Variants in OR52K1 observed in about 807,000 individuals in gnomAD.
The protein encoded by OR52K1 is olfactory receptor family 52 subfamily K member 1.
Under a neutral mutation model 8.7 loss-of-function variants are expected in OR52K1, and 10 were observed. The observed-to-expected ratio is 1.15, with a 90% CI of 0.71 to 1.95. The LOEUF (loss-of-function observed/expected upper bound fraction) is 1.95, where lower values mean the gene tolerates loss of function less well. Ranked by LOEUF, OR52K1 falls within the 30% of genes most tolerant of loss-of-function variation. The probability of loss-of-function intolerance (pLI) is 0.00; values close to 1 mark genes in which losing one functional copy is unlikely to be tolerated. For missense variants in OR52K1, 431 were observed against 397.2 expected (o/e 1.08, Z -0.72); for synonymous variants, 203 against 148.5 (o/e 1.37, Z -2.67).
In OR52K1 at chr11:4,490,454, C is replaced by T. The variant is rs1846365174; in HGVS notation, c.*609C>T. 1.3e-5 allele frequency: 2 copies of T among 152,508 alleles called. No individual in the cohort carries two copies. Among genetic ancestry groups the T allele is most frequent in the African/African-American group, 4.8e-5 (2 of 41,432 alleles). The allele number at this position is 152,508 out of a possible 1,614,324, so 9.4% of individuals were successfully genotyped here. On this transcript the variant is annotated 3_prime_UTR_variant, in exon 2 of 2. Coordinates refer to ENST00000641528, the MANE Select transcript of OR52K1 (RefSeq NM_001005171.3). ...GCCAATTCCTTTAGTGAACATTTAT[C>T]AAAAGAGTCCTCCGATGTTCCTTTT...
intron 1 of OR52K1, among the ~76,000 whole-genome samples, chr11:4,483,409 T>C (rs1589808793): frequency 2.0e-5 from 3 of 152,336 alleles, no homozygotes; most frequent in Non-Finnish European, 4.4e-5. Context: ...CATGGACATC[T>C]TAGTTCTGAA....
rs1436011361 is a variant in OR52K1 at position 4,492,609 on chromosome 11, C to G, written c.*2764C>G. The G allele has an allele frequency of 6.6e-6, 1 of 152,178 alleles. No individual in the cohort carries two copies. The highest frequency in any genetic ancestry group is 1.5e-5 in the Non-Finnish European group (1 of 68,036). 9.4% of individuals were successfully genotyped at this position (152,178 alleles called of 1,614,324 possible). Reference sequence around the variant, plus strand: ...ACTGAATATTTAAAGGAAATACAGTCTTCTTACAGCATATCATAAAATTAT... The same window carrying G: ...ACTGAATATTTAAAGGAAATACAGTGTTCTTACAGCATATCATAAAATTAT... On this transcript the variant is annotated 3_prime_UTR_variant, in exon 2 of 2. Coordinates refer to ENST00000641528, the MANE Select transcript of OR52K1 (RefSeq NM_001005171.3).
chr11:4,488,811 C>T lies in OR52K1; in HGVS notation c.-90C>T. ...GGTAATCTTTGCAGGTGGGATAGCA[C>T]AGGTTGAACTCTAATCATATATACT... On this transcript the variant is annotated 5_prime_UTR_variant, in exon 2 of 2. Transcript: ENST00000641528. 1.1e-6 allele frequency: 1 copy of T among 897,588 alleles called. No homozygotes were observed. The highest frequency in any genetic ancestry group is 1.8e-6 in the Non-Finnish European group (1 of 568,194). 55.6% of individuals were successfully genotyped at this position (897,588 alleles called of 1,614,324 possible).
intron 1 of OR52K1, among the ~76,000 whole-genome samples, chr11:4,483,842 C>T (rs1202385241): frequency 2.6e-5 from 4 of 152,028 alleles, no homozygotes; most frequent in Non-Finnish European, 4.4e-5. Flanking sequence ...TTTCTAGGTA[C>T]TGATATGTAC....
At position 4,492,644 on chromosome 11, in the gene OR52K1, C is replaced by G. The variant is rs890147072; in HGVS notation, c.*2799C>G. On this transcript the variant is annotated 3_prime_UTR_variant, in exon 2 of 2. Coordinates refer to ENST00000641528, the MANE Select transcript of OR52K1 (RefSeq NM_001005171.3). Reference sequence around the variant, plus strand: ...CATATCATAAAATTATTTCACTTATCTCTGCTTTTGTCTTTCAAACTCTCA... The same window carrying G: ...CATATCATAAAATTATTTCACTTATGTCTGCTTTTGTCTTTCAAACTCTCA... The G allele has an allele frequency of 6.6e-6, 1 of 152,176 alleles. No individual in the cohort carries two copies. The highest frequency in any genetic ancestry group is 2.4e-5 in the African/African-American group (1 of 41,428). 9.4% of individuals were successfully genotyped at this position (152,176 alleles called of 1,614,324 possible).
At chr11:4,487,348 A>T (rs1349607402) in intron 1 of OR52K1, among the ~76,000 whole-genome samples, 1 of 152,190 alleles carries the variant, frequency 6.6e-6, no homozygotes, top group Non-Finnish European at 1.5e-5. Context: ...ATCACACTTA[A>T]CCTCCCTATA....
intron 1 of OR52K1, among the ~76,000 whole-genome samples, chr11:4,485,592 C>A (rs1392402326): frequency 6.6e-6 from 1 of 152,096 alleles, no homozygotes; most frequent in Non-Finnish European, 1.5e-5. Flanking sequence ...AAAAATATAT[C>A]CCCAATCCTA....
intron 1 of OR52K1, among the ~76,000 whole-genome samples, chr11:4,483,976 T>A (rs896302678): frequency 6.6e-6 from 1 of 152,216 alleles, no homozygotes; most frequent in South Asian, 2.1e-4. Context: ...GGTAACAAAG[T>A]ATTGTAATCG....
intron 1 of OR52K1, among the ~76,000 whole-genome samples, chr11:4,484,566 C>T (rs1482867086): frequency 2.0e-5 from 3 of 152,008 alleles, no homozygotes; most frequent in Admixed American, 6.5e-5. Context: ...TTTGACATAT[C>T]TGTGAGGAAG....
Position 4,492,519 on chromosome 11 carries a change from C to G in OR52K1, c.*2674C>G, listed in dbSNP as rs1160866319. 6.6e-6 allele frequency: 1 copy of G among 152,178 alleles called. No individual in the cohort carries two copies. Among genetic ancestry groups the G allele is most frequent in the African/African-American group, 2.4e-5 (1 of 41,434 alleles). 9.4% of individuals were successfully genotyped at this position (152,178 alleles called of 1,614,324 possible). A position where few individuals can be genotyped will look rare whatever the true frequency, so the allele number is the denominator to read the frequency against. ...GGGAGTTGTTTGTTTCACAGCCTTA[C>G]CCAAGGAGCACCAATTGCTGGAGTT... On this transcript the variant is annotated 3_prime_UTR_variant, in exon 2 of 2. Coordinates refer to ENST00000641528, the MANE Select transcript of OR52K1 (RefSeq NM_001005171.3).
At chr11:4,484,577 A>G (rs1846305241) in intron 1 of OR52K1, among the ~76,000 whole-genome samples, 1 of 152,018 alleles carries the variant, frequency 6.6e-6, no homozygotes, top group Non-Finnish European at 1.5e-5. Flanking sequence ...TGTGAGGAAG[A>G]TATGTGGGGA....
At chr11:4,488,133 CT>C (rs1846335224) in intron 1 of OR52K1, among the ~76,000 whole-genome samples, 2 of 152,118 alleles carry the variant, frequency 1.3e-5, no homozygotes, top group South Asian at 2.1e-4. Flanking sequence ...TCTCCGTATG[CT>C]TGCAGCATGG....
In OR52K1 at chr11:4,492,452, C is replaced by G. The variant is rs1846385399; in HGVS notation, c.*2607C>G. The G allele has an allele frequency of 6.6e-6, 1 of 152,078 alleles. No individual in the cohort carries two copies. Among genetic ancestry groups the G allele is most frequent in the Admixed American group, 6.6e-5 (1 of 15,264 alleles). 9.4% of individuals were successfully genotyped at this position (152,078 alleles called of 1,614,324 possible). On this transcript the variant is annotated 3_prime_UTR_variant, in exon 2 of 2. Transcript: ENST00000641528. ...ACCCACAGTGTTCATATAACATGAACAAGGATGATTTTGTTGTTTTTGTAG... is the reference window on the plus strand; with the variant it reads ...ACCCACAGTGTTCATATAACATGAAGAAGGATGATTTTGTTGTTTTTGTAG...
intron 1 of OR52K1, among the ~76,000 whole-genome samples, chr11:4,485,094 G>T (rs1589809245): frequency 1.3e-5 from 2 of 152,130 alleles, no homozygotes; most frequent in South Asian, 4.1e-4. Flanking sequence ...GTGTTTTCAA[G>T]TTCTTTGACT....
intron 1 of OR52K1, among the ~76,000 whole-genome samples, chr11:4,488,259 C>T (rs1217913140): frequency 6.6e-6 from 1 of 152,206 alleles, no homozygotes; most frequent in African/African-American, 2.4e-5. Flanking sequence ...TCACTAGTCA[C>T]ATGTGGCTAT....
intron 1 of OR52K1, among the ~76,000 whole-genome samples, chr11:4,487,496 C>G (rs1846330118): frequency 6.6e-6 from 1 of 151,316 alleles, no homozygotes; most frequent in Admixed American, 6.6e-5. Flanking sequence ...AGATTCTAAA[C>G]ATTTTCCAAA....
At chr11:4,484,014 C>T (rs1473651807) in intron 1 of OR52K1, among the ~76,000 whole-genome samples, 1 of 152,160 alleles carries the variant, frequency 6.6e-6, no homozygotes, top group Non-Finnish European at 1.5e-5. Flanking sequence ...ATTCTGGATG[C>T]ATTTTAAATG....
In OR52K1 at chr11:4,488,841, A is replaced by G. The variant is rs537196777; in HGVS notation, c.-60A>G. 2.6e-6 allele frequency: 3 copies of G among 1,152,084 alleles called. No homozygotes were observed. The highest frequency in any genetic ancestry group is 4.7e-5 in the East Asian group (2 of 42,824). The allele number at this position is 1,152,084 out of a possible 1,614,324, so 71.4% of individuals were successfully genotyped here. ...TGAACTCTAATCATATATACTGTAGAAGGTATATATAGAAGGTGAAGAAGC... is the reference window on the plus strand; with the variant it reads ...TGAACTCTAATCATATATACTGTAGGAGGTATATATAGAAGGTGAAGAAGC... On this transcript the variant is annotated 5_prime_UTR_variant, in exon 2 of 2. Coordinates refer to ENST00000641528, the MANE Select transcript of OR52K1 (RefSeq NM_001005171.3).
At chr11:4,484,286 C>T (rs1459790730) in intron 1 of OR52K1, among the ~76,000 whole-genome samples, 1 of 152,088 alleles carries the variant, frequency 6.6e-6, no homozygotes, top group Non-Finnish European at 1.5e-5. Context: ...TCTTTTGTAG[C>T]AGTAGTTGCT....
Sources: allele counts gnomAD v4.1 joint callset (sites outside exome capture counted in the v4.1 genomes callset), GRCh38; gene constraint gnomAD v4.1.1; transcripts MANE v1.5; gene names NCBI Gene and HGNC (gene_info 2026-07-23, HGNC 2026-07-21).